Variants in CSMD1 observed in about 807,000 individuals in gnomAD.
CSMD1 encodes CUB and Sushi multiple domains 1.
A neutral mutation model predicts 417.5 loss-of-function variants in CSMD1; 213 were observed. The observed-to-expected ratio is 0.51, with a 90% CI of 0.46 to 0.57. The LOEUF is 0.57. CSMD1 is among the 20% of genes least tolerant of loss of function. CSMD1 has a pLI of 0.00. For missense variants in CSMD1, 6,923 were observed against 4,529.7 expected (o/e 1.53, Z -15.17); for synonymous variants, 2,862 against 1,736.8 (o/e 1.65, Z -16.11).
intron 1 of CSMD1, among the ~76,000 whole-genome samples, chr8:4,699,874 CAA>C (rs1807405642): frequency 6.6e-6 from 1 of 152,142 alleles, no homozygotes; most frequent in Admixed American, 6.5e-5. Context: ...GAACAAGAGA[CAA>C]AGTTTTTCAG....
chr8:4,906,731 A>G (rs889430737), intron 1 of CSMD1, among the ~76,000 whole-genome samples: 1 of 151,582 alleles, frequency 6.6e-6, no homozygotes, highest in Non-Finnish European at 1.5e-5. Flanking sequence ...TAATTTTTGT[A>G]TTTTTTTTAG....
At chr8:4,436,006 T>C (rs902118233) in intron 2 of CSMD1, among the ~76,000 whole-genome samples, 8 of 152,326 alleles carry the variant, frequency 5.3e-5, no homozygotes, top group African/African-American at 1.9e-4. Context: ...TTGAATTAAC[T>C]TCATACGCAG....
At chr8:4,073,958 T>C (rs1480842562) in intron 3 of CSMD1, among the ~76,000 whole-genome samples, 1 of 152,100 alleles carries the variant, frequency 6.6e-6, no homozygotes, top group African/African-American at 2.4e-5. Context: ...TTTTGATAAA[T>C]CACTATAATA....
chr8:4,247,073 C>G (rs942137517), intron 3 of CSMD1, among the ~76,000 whole-genome samples: 3 of 152,182 alleles, frequency 2.0e-5, no homozygotes, highest in Non-Finnish European at 2.9e-5. Flanking sequence ...CATCCAAGGG[C>G]TACCCCATGG....
chr8:4,629,133 C>A (rs1431571054), intron 2 of CSMD1, among the ~76,000 whole-genome samples: 1 of 152,088 alleles, frequency 6.6e-6, no homozygotes, highest in African/African-American at 2.4e-5. Flanking sequence ...AAACAAAAAG[C>A]ATTCCTTTAC....
intron 3 of CSMD1, among the ~76,000 whole-genome samples, chr8:4,336,954 T>C (rs903268442): frequency 2.0e-5 from 3 of 152,064 alleles, no homozygotes; most frequent in African/African-American, 7.2e-5. Flanking sequence ...AATGTTGAAA[T>C]GGAGCAAACC....
At chr8:4,142,812 G>A (rs921852116) in intron 3 of CSMD1, among the ~76,000 whole-genome samples, 4 of 151,136 alleles carry the variant, frequency 2.6e-5, no homozygotes, top group South Asian at 4.1e-4. Context: ...ATTTTTAAAA[G>A]CCTAACAGAG....
intron 51 of CSMD1, among the ~76,000 whole-genome samples, chr8:3,027,177 G>C (rs1809994083): frequency 1.3e-5 from 2 of 151,886 alleles, no homozygotes; most frequent in Admixed American, 6.6e-5. Context: ...TCAACATCAG[G>C]CCTTTTGGGG....
At chr8:3,955,830 T>G (rs1811902323) in intron 5 of CSMD1, among the ~76,000 whole-genome samples, 1 of 152,176 alleles carries the variant, frequency 6.6e-6, no homozygotes, top group Non-Finnish European at 1.5e-5. Context: ...GGGGTTCACT[T>G]TGCCCCCTGC....
intron 10 of CSMD1, among the ~76,000 whole-genome samples, chr8:3,557,915 C>G (rs1234042457): frequency 2.0e-5 from 3 of 152,130 alleles, no homozygotes; most frequent in Non-Finnish European, 2.9e-5. Flanking sequence ...GGTCAACTCC[C>G]TAAATAAATA....
intron 2 of CSMD1, among the ~76,000 whole-genome samples, chr8:4,488,022 G>A (rs994872089): frequency 6.6e-6 from 1 of 152,130 alleles, no homozygotes; most frequent in Non-Finnish European, 1.5e-5. Flanking sequence ...GGGCTTTCTG[G>A]AGGTGAGTAG....
At chr8:3,938,014 G>T (rs928687492) in intron 5 of CSMD1, among the ~76,000 whole-genome samples, 1 of 152,050 alleles carries the variant, frequency 6.6e-6, no homozygotes, top group Non-Finnish European at 1.5e-5. Flanking sequence ...ATAAAACCCA[G>T]CATCTAACAT....
intron 1 of CSMD1, among the ~76,000 whole-genome samples, chr8:4,856,774 G>C (rs955131861): frequency 2.7e-5 from 4 of 149,798 alleles, no homozygotes; most frequent in East Asian, 2.0e-4. Context: ...AGCAAGTCCT[G>C]AGTGACCTAC....
intron 2 of CSMD1, among the ~76,000 whole-genome samples, chr8:4,454,830 C>T (rs1799372346): frequency 6.6e-6 from 1 of 152,074 alleles, no homozygotes; most frequent in Admixed American, 6.5e-5. Flanking sequence ...ATAAGAAGAG[C>T]AAAGGTTTTT....
In CSMD1 at chr8:4,851,124, G is replaced by A. The variant is rs372777829; in HGVS notation, c.85+143208C>T. 9.6e-3 allele frequency among the ~76,000 whole-genome samples: 1,053 copies of A among 109,686 alleles called. 15 individuals are homozygous for A. The highest frequency in any genetic ancestry group is 0.035 in the African/African-American group (967 of 27,710). The allele number at this position is 109,686 out of a possible 152,430, so 72.0% of individuals were successfully genotyped here. A position where few individuals can be genotyped will look rare whatever the true frequency, so the allele number is the denominator to read the frequency against. ...CTCCCCACACCCCACAACAGTCCCC[G>A]GAGTGTGATATTCCCCTTCCTGTGT... On this transcript the variant is annotated intron_variant, in intron 1 of 69. Transcript: ENST00000635120.
chr8:4,519,530 A>T (rs777088926), intron 2 of CSMD1, among the ~76,000 whole-genome samples: 3 of 151,778 alleles, frequency 2.0e-5, no homozygotes, highest in Non-Finnish European at 4.4e-5. Flanking sequence ...ATCTGAGGTC[A>T]GGAGTTCAAG....
intron 26 of CSMD1, among the ~76,000 whole-genome samples, chr8:3,243,478 T>C (rs1304567875): frequency 3.2e-5 from 4 of 126,826 alleles, no homozygotes; most frequent in Non-Finnish European, 6.6e-5. Context: ...GGGGTTGTTT[T>C]CTGGGGGGCA....
intron 3 of CSMD1, among the ~76,000 whole-genome samples, chr8:4,150,577 C>G (rs1198804845): frequency 6.6e-6 from 1 of 152,166 alleles, no homozygotes; most frequent in Non-Finnish European, 1.5e-5. Context: ...ATTCATAACT[C>G]AGGTACAGGT....
At chr8:3,593,378 G>C (rs1424937165) in intron 8 of CSMD1, among the ~76,000 whole-genome samples, 1 of 152,228 alleles carries the variant, frequency 6.6e-6, no homozygotes, top group African/African-American at 2.4e-5. Context: ...CCGTGATGGA[G>C]AAGGTCAAGC....
Sources: gnomAD v4.1 joint callset for allele counts (sites outside exome capture counted in the v4.1 genomes callset) on GRCh38, gnomAD v4.1.1 for gene constraint, MANE v1.5 for transcripts, NCBI Gene and HGNC (gene_info 2026-07-23, HGNC 2026-07-21) for gene names.